Variants in MALRD1 observed in about 807,000 individuals in gnomAD.
MALRD1 encodes the protein MAM and LDL-receptor class A domain-containing protein 1.
MALRD1 carries 247 observed loss-of-function variants against 242.1 expected under a neutral mutation model. The ratio of observed to expected loss-of-function variants is 1.02; its 90% CI spans 0.92 to 1.13. The LOEUF (loss-of-function observed/expected upper bound fraction) is 1.13. Ranked by LOEUF, MALRD1 falls within the 50% of genes most tolerant of loss-of-function variation. The probability of loss-of-function intolerance (pLI) is 0.00; values close to 1 mark genes in which losing one functional copy is unlikely to be tolerated. For synonymous variants in MALRD1, 995 were observed against 866.6 expected, an observed-to-expected ratio of 1.15 and a Z score of -2.60; for missense variants, 2,989 against 2,533.1, an observed-to-expected ratio of 1.18 and a Z score of -3.86.
At chr10:19,493,903 T>C (rs1837603379) in intron 30 of MALRD1, among the ~76,000 whole-genome samples, 1 of 152,142 alleles carries the variant, frequency 6.6e-6, no homozygotes, top group Admixed American at 6.5e-5. Flanking sequence ...CTAAAACGTG[T>C]GAAATCACCA....
chr10:19,403,544 G>A (rs920003410), intron 28 of MALRD1, among the ~76,000 whole-genome samples: 30 of 152,210 alleles, frequency 2.0e-4, no homozygotes, highest in African/African-American at 6.7e-4. Context: ...TGAGCTGAGG[G>A]ATCATTATTC....
chr10:19,728,608 T>G (rs1003301247), intron 38 of MALRD1: 2 of 152,342 alleles, frequency 1.3e-5, no homozygotes, highest in African/African-American at 4.8e-5. Flanking sequence ...TTGGGTTTCC[T>G]CCTGCTTCCT....
intron 29 of MALRD1, among the ~76,000 whole-genome samples, chr10:19,490,795 A>AT (rs527629801): frequency 1.3e-5 from 2 of 152,258 alleles, no homozygotes; most frequent in South Asian, 4.1e-4. Flanking sequence ...TGGCTTGACT[A>AT]TTTTTTTATA....
chr10:19,226,144 T>C (rs1422674158), intron 18 of MALRD1, among the ~76,000 whole-genome samples: 10 of 152,170 alleles, frequency 6.6e-5, no homozygotes. Context: ...TATTTAAAAA[T>C]GATAATGTGT....
chr10:19,125,359 TTC>T (rs1837242958), intron 7 of MALRD1, among the ~76,000 whole-genome samples: 1 of 118,326 alleles, frequency 8.5e-6, no homozygotes. Flanking sequence ...CTTTCTTTCT[TTC>T]TTTCTTTCTT....
intron 35 of MALRD1, among the ~76,000 whole-genome samples, chr10:19,608,399 T>C (rs1409023142): frequency 6.6e-6 from 1 of 152,108 alleles, no homozygotes; most frequent in Non-Finnish European, 1.5e-5. Flanking sequence ...GGAACATGTA[T>C]ACAGCATAGG....
At chr10:19,655,418 T>C (rs1841096134) in intron 36 of MALRD1, among the ~76,000 whole-genome samples, 1 of 151,124 alleles carries the variant, frequency 6.6e-6, no homozygotes. Context: ...TCAATGTAAT[T>C]ATTGTTGATT....
At chr10:19,459,850 G>A (rs1467248917) in intron 29 of MALRD1, among the ~76,000 whole-genome samples, 2 of 151,050 alleles carry the variant, frequency 1.3e-5, no homozygotes, top group East Asian at 1.9e-4. Flanking sequence ...ATATAACTTG[G>A]TTCATTTACA....
In MALRD1 at chr10:19,331,250, A is replaced by C. The variant is rs1278319134; in HGVS notation, c.3688-119A>C. ...CATAGGGACATAAAAAACAAAAACA[A>C]AAACAAAAAAACAAACAACAAAAAA... is the stretch of plus-strand genomic sequence containing the variant. On this transcript the variant is annotated intron_variant, in intron 23 of 39. Coordinates refer to ENST00000454679, the MANE Select transcript of MALRD1 (RefSeq NM_001142308.3). The C allele has an allele frequency of 3.3e-6, 3 of 920,112 alleles. No individual in the cohort carries two copies. In the East Asian group the frequency reaches 7.9e-5, roughly 24 times the overall value. The allele number at this position is 920,112 out of a possible 1,614,324, so 57.0% of individuals were successfully genotyped here.
chr10:19,050,013 A>G (rs939231329), intron 1 of MALRD1, among the ~76,000 whole-genome samples: 3 of 150,818 alleles, frequency 2.0e-5, no homozygotes, highest in East Asian at 2.0e-4. Context: ...CATAGTAGCT[A>G]TTGGTGCGGT....
intron 5 of MALRD1, among the ~76,000 whole-genome samples, chr10:19,111,605 A>G (rs1239500740): frequency 1.3e-5 from 2 of 152,238 alleles, no homozygotes; most frequent in Non-Finnish European, 2.9e-5. Flanking sequence ...AAAGATAAAT[A>G]CTTGTGCTGA....
intron 35 of MALRD1, among the ~76,000 whole-genome samples, chr10:19,609,924 C>T (rs566529488): frequency 9.2e-5 from 14 of 151,822 alleles, no homozygotes; most frequent in African/African-American, 2.4e-4. Context: ...AAATATAATA[C>T]TATACATAAT....
intron 29 of MALRD1, among the ~76,000 whole-genome samples, chr10:19,484,532 A>G (rs775348983): frequency 3.3e-5 from 5 of 152,174 alleles, no homozygotes; most frequent in African/African-American, 4.8e-5. Flanking sequence ...TGTTATTTTT[A>G]TAATTCATAA....
upstream of MALRD1, among the ~76,000 whole-genome samples, chr10:19,047,548 A>T (rs1220778574): frequency 6.6e-6 from 1 of 152,112 alleles, no homozygotes; most frequent in Non-Finnish European, 1.5e-5. Context: ...AACTATAAGG[A>T]TAGTCAGCAT....
chr10:19,287,830 T>C (rs772406962), intron 21 of MALRD1, among the ~76,000 whole-genome samples: 2 of 152,142 alleles, frequency 1.3e-5, no homozygotes, highest in East Asian at 3.9e-4. Context: ...TGTATAGTTA[T>C]ATAGTTGTTC....
chr10:19,098,403 A>G (rs555148403), intron 4 of MALRD1, among the ~76,000 whole-genome samples: 2 of 152,352 alleles, frequency 1.3e-5, no homozygotes, highest in African/African-American at 4.8e-5. Flanking sequence ...AATAGAATTT[A>G]TTAATAAAGA....
intron 26 of MALRD1, among the ~76,000 whole-genome samples, chr10:19,385,949 A>C: frequency 6.6e-6 from 1 of 152,092 alleles, no homozygotes; most frequent in East Asian, 1.9e-4. Flanking sequence ...TTAATAATTA[A>C]CCAAAAAAAT....
intron 32 of MALRD1, 128 bp from the exon 33 acceptor site, chr10:19,567,374 A>G (rs1391851790): frequency 3.7e-6 from 3 of 816,742 alleles, no homozygotes; most frequent in South Asian, 1.9e-5. Flanking sequence ...TTCTACAGAT[A>G]GAAAATACAA....
At chr10:19,637,102 C>A (rs1564505385) in intron 36 of MALRD1, among the ~76,000 whole-genome samples, 1 of 151,916 alleles carries the variant, frequency 6.6e-6, no homozygotes, top group African/African-American at 2.4e-5. Context: ...ATTAAATGGC[C>A]AATAAGACTT....
Sources: allele counts gnomAD v4.1 joint callset (sites outside exome capture counted in the v4.1 genomes callset), GRCh38; gene constraint gnomAD v4.1.1; transcripts MANE v1.5; gene names NCBI Gene and HGNC (gene_info 2026-07-23, HGNC 2026-07-21).